AUTS2: variants seen among roughly 807,000 people sequenced by gnomAD.
AUTS2 encodes activator of transcription and developmental regulator AUTS2.
In AUTS2, 17 loss-of-function variants were observed where a neutral mutation model predicts 112.4. The ratio of observed to expected loss-of-function variants is 0.15; its 90% CI spans 0.10 to 0.23. AUTS2 has a LOEUF of 0.23. AUTS2 is among the 10% of genes least tolerant of loss of function. The pLI, the probability that AUTS2 is intolerant of heterozygous loss-of-function variation, is 1.00. For synonymous variants in AUTS2, 751 were observed against 702.7 expected, an observed-to-expected ratio of 1.07 and a Z score of -1.09; for missense variants, 1,510 against 1,701.6, an observed-to-expected ratio of 0.89 and a Z score of 1.98.
intron 4 of AUTS2, among the ~76,000 whole-genome samples, chr7:70,298,027 G>T (rs951668212): frequency 2.4e-4 from 37 of 151,384 alleles, no homozygotes; most frequent in Admixed American, 2.0e-3. Context: ...GGTTTTTTTT[G>T]GGTTTTTTTT....
intron 6 of AUTS2, among the ~76,000 whole-genome samples, chr7:70,751,751 C>T (rs746923801): frequency 2.6e-5 from 4 of 152,152 alleles, no homozygotes; most frequent in African/African-American, 4.8e-5. Flanking sequence ...GACAGAATCT[C>T]ACTCTGTTGC....
intron 4 of AUTS2, among the ~76,000 whole-genome samples, chr7:70,165,909 G>A (rs1808355597): frequency 6.6e-6 from 1 of 152,194 alleles, no homozygotes; most frequent in Admixed American, 6.5e-5. Context: ...GAAGGGCCTG[G>A]TGGGAGGTGA....
intron 4 of AUTS2, among the ~76,000 whole-genome samples, chr7:70,185,396 C>T (rs945713688): frequency 2.6e-5 from 4 of 151,482 alleles, no homozygotes; most frequent in African/African-American, 4.9e-5. Flanking sequence ...TGTGAGCCAC[C>T]GCACCTGGCC....
chr7:70,464,244 T>C lies in AUTS2; in HGVS notation c.690+28463T>C, dbSNP rs563953072. Among the ~76,000 whole-genome samples the C allele has an allele frequency of 4.7e-4, 72 of 152,308 alleles. 1 individual carries two copies. The highest frequency in any genetic ancestry group is 5.9e-5 in the Non-Finnish European group (4 of 68,022). On this transcript the variant is annotated intron_variant, in intron 5 of 18. Coordinates refer to ENST00000342771, the MANE Select transcript of AUTS2 (RefSeq NM_015570.4). ...CCCTATTATGTGCACAGCTTTGGAG[T>C]ACCTCAAATAGGTTTTAGGCATAAC... is the stretch of plus-strand genomic sequence containing the variant.
At chr7:70,495,162 C>T (rs534089432) in intron 5 of AUTS2, among the ~76,000 whole-genome samples, 2 of 149,340 alleles carry the variant, frequency 1.3e-5, no homozygotes, top group South Asian at 2.1e-4. Context: ...TTACCCAGGG[C>T]ACCTGGGAGA....
chr7:70,748,883 G>T (rs999613012), intron 6 of AUTS2, among the ~76,000 whole-genome samples: 2 of 152,310 alleles, frequency 1.3e-5, no homozygotes, highest in South Asian at 4.1e-4. Context: ...TCCTGGTTCT[G>T]TCCATGATGC....
At chr7:70,655,216 C>T (rs192049278) in intron 5 of AUTS2, among the ~76,000 whole-genome samples, 334 of 152,352 alleles carry the variant, frequency 2.2e-3, no homozygotes, top group African/African-American at 7.7e-3. Flanking sequence ...AGCCAAGAAC[C>T]ATGACAGGCC....
chr7:70,573,686 G>A (rs560483066), intron 5 of AUTS2, among the ~76,000 whole-genome samples: 1 of 152,140 alleles, frequency 6.6e-6, no homozygotes, highest in South Asian at 2.1e-4. Context: ...CTTTGCTGCA[G>A]AATACAAATT....
At chr7:70,051,219 G>A (rs920180151) in intron 2 of AUTS2, among the ~76,000 whole-genome samples, 11 of 152,084 alleles carry the variant, frequency 7.2e-5, no homozygotes, top group African/African-American at 1.7e-4. Context: ...AGGTGCCAGC[G>A]TTTGATATTA....
At chr7:70,344,285 A>G (rs147317977) in intron 4 of AUTS2, among the ~76,000 whole-genome samples, 1 of 152,204 alleles carries the variant, frequency 6.6e-6, no homozygotes, top group East Asian at 1.9e-4. Flanking sequence ...AAGTCAAGAG[A>G]ACCTAGGGCA....
rs549153441 is a variant in AUTS2, at chr7:70,045,119, A to G, written c.523-73013A>G. On this transcript the variant is annotated intron_variant, in intron 2 of 18. Coordinates refer to ENST00000342771, the MANE Select transcript of AUTS2 (RefSeq NM_015570.4). ...TTAATGTTTTATCATCACTGCCATT[A>G]GAAGGTATTACATAGATGTGATCTT... Among the ~76,000 whole-genome samples the G allele has an allele frequency of 5.3e-5, 8 of 152,300 alleles. No individual in the cohort carries two copies. The East Asian group carries it at 1.5e-3, about 29-fold the overall frequency.
At chr7:70,561,493 G>A (rs1166291999) in intron 5 of AUTS2, among the ~76,000 whole-genome samples, 1 of 152,110 alleles carries the variant, frequency 6.6e-6, no homozygotes, top group South Asian at 2.1e-4. Context: ...TGGCATAGTG[G>A]CACGCACCTG....
intron 5 of AUTS2, among the ~76,000 whole-genome samples, chr7:70,560,109 C>G (rs959901113): frequency 6.6e-6 from 1 of 152,194 alleles, no homozygotes; most frequent in Non-Finnish European, 1.5e-5. Context: ...TGCCTGAATG[C>G]TCTATCCCGT....
intron 5 of AUTS2, among the ~76,000 whole-genome samples, chr7:70,480,470 T>C (rs1797748245): frequency 6.6e-6 from 1 of 152,198 alleles, no homozygotes; most frequent in Non-Finnish European, 1.5e-5. Context: ...TTCTTAAGGC[T>C]CATTCATTCC....
At chr7:70,717,966 G>T (rs1159378648) in intron 6 of AUTS2, among the ~76,000 whole-genome samples, 2 of 152,144 alleles carry the variant, frequency 1.3e-5, no homozygotes, top group Non-Finnish European at 2.9e-5. Context: ...TCCTGCCCTG[G>T]AGTAAAGTAG....
chr7:70,379,045 C>CT (rs941936116), intron 4 of AUTS2, among the ~76,000 whole-genome samples: 5 of 151,262 alleles, frequency 3.3e-5, no homozygotes, highest in South Asian at 4.2e-4. Flanking sequence ...AATTTCATGG[C>CT]TTTTTTTTTA....
chr7:70,459,200 T>C (rs1796865448), intron 5 of AUTS2, among the ~76,000 whole-genome samples: 2 of 152,222 alleles, frequency 1.3e-5, no homozygotes, highest in South Asian at 4.1e-4. Flanking sequence ...ATGTGGCTTT[T>C]TTCTTCTTTG....
In AUTS2 at chr7:70,791,224, T is replaced by C. The variant is rs1005903688; in HGVS notation, c.*228T>C. 2 of 418,986 alleles carry C rather than the reference T, an allele frequency of 4.8e-6. No homozygotes were observed. The highest frequency in any genetic ancestry group is 4.1e-5 in the African/African-American group (2 of 48,928). 26.0% of individuals were successfully genotyped at this position (418,986 alleles called of 1,614,324 possible). A position where few individuals can be genotyped will look rare whatever the true frequency, so the allele number is the denominator to read the frequency against. ...GTCATATGTTCTCACGTCTCCTACTTTTTGTTTCTCGTATAAAACTTTTTG... is the reference window on the plus strand; with the variant it reads ...GTCATATGTTCTCACGTCTCCTACTCTTTGTTTCTCGTATAAAACTTTTTG... On this transcript the variant is annotated 3_prime_UTR_variant, in exon 19 of 19. Transcript: ENST00000342771.
chr7:70,528,096 T>TA lies in AUTS2; in HGVS notation c.690+92315_690+92316insA, dbSNP rs1337880836. Among the ~76,000 whole-genome samples, 349 of 91,694 alleles carry TA rather than the reference T, an allele frequency of 3.8e-3. 2 individuals are homozygous for TA. The highest frequency in any genetic ancestry group is 0.03 in the Middle Eastern group (6 of 198). The allele number at this position is 91,694 out of a possible 152,430, so 60.2% of individuals were successfully genotyped here. On this transcript the variant is annotated intron_variant, in intron 5 of 18. Transcript: ENST00000342771. ...TGAAGTTCACTTAAATTTAAGGATT[T>TA]TTTTTTTTTTTTTTTTTTTTTTTAC...
Sources: allele counts gnomAD v4.1 joint callset (sites outside exome capture counted in the v4.1 genomes callset), GRCh38; gene constraint gnomAD v4.1.1; transcripts MANE v1.5; gene names NCBI Gene and HGNC (gene_info 2026-07-23, HGNC 2026-07-21).